SHLD1: variants seen among roughly 807,000 people sequenced by gnomAD.
SHLD1 encodes RINN1-REV7-interacting novel NHEJ regulator 3.
A neutral mutation model predicts 5.5 loss-of-function variants in SHLD1; 3 were observed. The observed-to-expected ratio is 0.54, with a 90% CI of 0.25 to 1.40. The LOEUF (loss-of-function observed/expected upper bound fraction) is 1.40, where lower values mean the gene tolerates loss of function less well. Ranked by LOEUF, SHLD1 falls within the 40% of genes most tolerant of loss-of-function variation. The pLI, the probability that SHLD1 is intolerant of heterozygous loss-of-function variation, is 0.15. For synonymous variants in SHLD1, 92 were observed against 94.3 expected, an observed-to-expected ratio of 0.98 and a Z score of 0.14; for missense variants, 210 against 244.4, an observed-to-expected ratio of 0.86 and a Z score of 0.94.
intron 2 of SHLD1, among the ~76,000 whole-genome samples, chr20:5,837,012 C>G (rs941301012): frequency 6.6e-6 from 1 of 152,096 alleles, no homozygotes; most frequent in African/African-American, 2.4e-5. Flanking sequence ...AGAAATCATA[C>G]AAGAAATATA....
intron 2 of SHLD1, among the ~76,000 whole-genome samples, chr20:5,792,489 G>A (rs990720856): frequency 2.6e-5 from 4 of 151,818 alleles, no homozygotes; most frequent in South Asian, 4.2e-4. Flanking sequence ...GCATGATCTC[G>A]GCTTACTGCA....
intron 2 of SHLD1, among the ~76,000 whole-genome samples, chr20:5,812,840 A>G (rs2087477816): frequency 6.6e-6 from 1 of 152,112 alleles, no homozygotes; most frequent in Non-Finnish European, 1.5e-5. Flanking sequence ...AAAATAGACA[A>G]AGGCTCTCCC....
chr20:5,832,233 G>A (rs538339508), intron 2 of SHLD1, among the ~76,000 whole-genome samples: 7 of 152,302 alleles, frequency 4.6e-5, no homozygotes, highest in Non-Finnish European at 7.3e-5. Context: ...GAGCCTCTGC[G>A]CTGGGCCTCT....
intron 2 of SHLD1, among the ~76,000 whole-genome samples, chr20:5,833,559 A>G (rs944494546): frequency 6.6e-6 from 1 of 151,830 alleles, no homozygotes; most frequent in African/African-American, 2.4e-5. Context: ...TGTTGCTATA[A>G]ATTACTGTCT....
chr20:5,794,379 C>CT (rs1215663479), intron 2 of SHLD1, among the ~76,000 whole-genome samples: 5 of 152,168 alleles, frequency 3.3e-5, no homozygotes, highest in African/African-American at 1.2e-4. Context: ...TTTCAGGAGT[C>CT]TAAGACTTCC....
At chr20:5,780,429 T>C (rs948835037) in intron 2 of SHLD1, among the ~76,000 whole-genome samples, 9 of 152,100 alleles carry the variant, frequency 5.9e-5, no homozygotes, top group African/African-American at 2.2e-4. Context: ...CTGGAGAGAA[T>C]ACCCAGAAAT....
chr20:5,759,104 G>T (rs184647464), intron 1 of SHLD1, among the ~76,000 whole-genome samples: 1 of 150,584 alleles, frequency 6.6e-6, no homozygotes, highest in Non-Finnish European at 1.5e-5. Context: ...ACAGGCACCC[G>T]CCACCACGCC....
At chr20:5,822,287 A>G (rs923841426) in intron 2 of SHLD1, among the ~76,000 whole-genome samples, 1 of 151,982 alleles carries the variant, frequency 6.6e-6, no homozygotes, top group African/African-American at 2.4e-5. Context: ...ATGAAACCCC[A>G]TCTCTACTAA....
intron 2 of SHLD1, among the ~76,000 whole-genome samples, chr20:5,828,217 A>ATTTTTT (rs2087688757): frequency 6.6e-6 from 1 of 152,082 alleles, no homozygotes; most frequent in Non-Finnish European, 1.5e-5. Context: ...TTATCTGTAT[A>ATTTTTT]ATTATTTATC....
intron 2 of SHLD1, among the ~76,000 whole-genome samples, chr20:5,819,254 G>A (rs1403902561): frequency 1.3e-5 from 2 of 152,118 alleles, no homozygotes. Flanking sequence ...TGGTTCATCT[G>A]GGCATGCTCA....
At chr20:5,750,837 T>C (rs1374578750) in intron 1 of SHLD1, among the ~76,000 whole-genome samples, 3 of 151,310 alleles carry the variant, frequency 2.0e-5, no homozygotes, top group African/African-American at 4.9e-5. Flanking sequence ...ATTTAAAGCG[T>C]AAAAAAAAAT....
chr20:5,807,073 C>T (rs2087388235), intron 2 of SHLD1, among the ~76,000 whole-genome samples: 2 of 152,230 alleles, frequency 1.3e-5, no homozygotes, highest in South Asian at 4.1e-4. Context: ...GGGCTTTGCC[C>T]TCCTGGGTGG....
intron 1 of SHLD1, among the ~76,000 whole-genome samples, chr20:5,753,801 A>T (rs1983899376): frequency 6.6e-6 from 1 of 152,216 alleles, no homozygotes; most frequent in African/African-American, 2.4e-5. Context: ...GCCCTATGTA[A>T]ATCAGACACT....
chr20:5,862,169 C>T (rs1449171592), intron 2 of SHLD1, among the ~76,000 whole-genome samples: 1 of 152,200 alleles, frequency 6.6e-6, no homozygotes, highest in African/African-American at 2.4e-5. Flanking sequence ...AGCTTCAACA[C>T]GTGAATTTTT....
intron 2 of SHLD1, among the ~76,000 whole-genome samples, chr20:5,812,923 G>A (rs36078911): frequency 0.35 from 53,734 of 151,608 alleles, 11,244 homozygotes; most frequent in Non-Finnish European, 0.47. Context: ...CACCCAGGCT[G>A]GAGTGCAGTG....
intron 2 of SHLD1, among the ~76,000 whole-genome samples, chr20:5,775,165 A>G (rs1283072505): frequency 1.3e-5 from 2 of 151,650 alleles, no homozygotes; most frequent in Non-Finnish European, 2.9e-5. Flanking sequence ...CAGCCTCCCA[A>G]GTAGCTGGGA....
chr20:5,753,934 T>A (rs1277546800), intron 1 of SHLD1, among the ~76,000 whole-genome samples: 1 of 152,174 alleles, frequency 6.6e-6, no homozygotes, highest in Non-Finnish European at 1.5e-5. Context: ...TTTCCTCTCT[T>A]AAACACACTC....
At chr20:5,762,400 G>C (rs904355366) in intron 1 of SHLD1, among the ~76,000 whole-genome samples, 1 of 152,058 alleles carries the variant, frequency 6.6e-6, no homozygotes, top group East Asian at 1.9e-4. Context: ...ACCCTAGCCC[G>C]AATTAACCCC....
intron 2 of SHLD1, among the ~76,000 whole-genome samples, chr20:5,861,766 C>G (rs758385375): frequency 6.6e-6 from 1 of 152,206 alleles, no homozygotes; most frequent in South Asian, 2.1e-4. Flanking sequence ...TCCTAAAGCT[C>G]CACCCACTGT....
Sources: allele counts gnomAD v4.1 joint callset (sites outside exome capture counted in the v4.1 genomes callset), GRCh38; gene constraint gnomAD v4.1.1; transcripts MANE v1.5; gene names NCBI Gene and HGNC (gene_info 2026-07-23, HGNC 2026-07-21).